The following MET variants were observed in gnomAD, a reference collection of about 807,000 sequenced individuals.
MET encodes the protein MET proto-oncogene, receptor tyrosine kinase.
A neutral mutation model predicts 133.1 loss-of-function variants in MET; 48 were observed. The observed-to-expected ratio is 0.36, with a 90% confidence interval of 0.29 to 0.46. The LOEUF is 0.46. MET is among the 20% of genes least tolerant of loss of function. The pLI, the probability that MET is intolerant of heterozygous loss-of-function variation, is 1.00. For missense variants in MET, 1,442 were observed against 1,695.9 expected (o/e 0.85, Z 2.63); for synonymous variants, 628 against 616.5 (o/e 1.02, Z -0.28).
At chr7:116,748,503 A>G (rs1283518529) in intron 5 of MET, among the ~76,000 whole-genome samples, 1 of 152,194 alleles carries the variant, frequency 6.6e-6, no homozygotes, top group Non-Finnish European at 1.5e-5. Flanking sequence ...TGTAGCACTA[A>G]ATGCCCACAG....
chr7:116,763,135 C>T lies in MET; in HGVS notation c.2450C>T (p.Thr817Ile), dbSNP rs2116955293. Reference protein sequence around the residue: ...QQLNLQLPLKTKAFFMLDGIL... With the variant: ...QQLNLQLPLKIKAFFMLDGIL... ...CTGAATCTGCAACTCCCCCTGAAAA[C>T]CAAAGCCTTTTTCATGTTAGATGGG... Residue 817 changes from threonine (T) to isoleucine (I), a missense_variant, in exon 11 of 21, where the codon ACC becomes ATC. Transcript: ENST00000397752. 6.2e-7 allele frequency: 1 copy of T among 1,614,020 alleles called. No homozygotes were observed. Among genetic ancestry groups the T allele is most frequent in the East Asian group, 2.2e-5 (1 of 44,866 alleles).
intron 2 of MET, among the ~76,000 whole-genome samples, chr7:116,716,964 C>G (rs768342842): frequency 4.6e-5 from 7 of 152,208 alleles, no homozygotes; most frequent in South Asian, 2.1e-4. Context: ...TTGCCCCCCC[C>G]AGCTTTGCTC....
chr7:116,677,973 C>CTCTG (rs746930982), intron 1 of MET, among the ~76,000 whole-genome samples: 82 of 151,106 alleles, frequency 5.4e-4, no homozygotes, highest in African/African-American at 1.7e-3. Flanking sequence ...TTGTCTTTCT[C>CTCTG]TCTCTCTCTC....
At chr7:116,782,230 C>A (rs942278716) in intron 18 of MET, 133 bp downstream of exon 18, 18 of 724,560 alleles carry the variant, frequency 2.5e-5, no homozygotes, top group Admixed American at 2.4e-4. Flanking sequence ...AATCTTAAAT[C>A]GATGTGTAAG....
rs1764636282 is a variant in MET at position 116,771,361 on chromosome 7, T to G, written c.2731-137T>G. The G allele has an allele frequency of 1.1e-5, 10 of 952,372 alleles. No individual in the cohort carries two copies. In the South Asian group the frequency reaches 1.4e-4, roughly 13 times the overall value. The allele number at this position is 952,372 out of a possible 1,614,324, so 59.0% of individuals were successfully genotyped here. A position where few individuals can be genotyped will look rare whatever the true frequency, so the allele number is the denominator to read the frequency against. ...ACTGGAGCATAATTGAGGAATCTCT[T>G]ATTATCCTGAAGGCAGTTATGCCAT... On this transcript the variant is annotated intron_variant, in intron 12 of 20. Coordinates refer to ENST00000397752, the MANE Select transcript of MET (RefSeq NM_000245.4).
chr7:116,774,449 G>A (rs1334665947), intron 14 of MET, among the ~76,000 whole-genome samples: 1 of 152,210 alleles, frequency 6.6e-6, no homozygotes, highest in East Asian at 1.9e-4. Context: ...GGAATCCATA[G>A]GTTTTGCACA....
Position 116,759,633 on chromosome 7 carries a change from T to A in MET, c.2364+143T>A, listed in dbSNP as rs538645065. ...TTGCAGTGTAGCCAAGTAGTATTTT[T>A]TATTTAATAACTGAAATTATCTAGA... On this transcript the variant is annotated intron_variant, in intron 10 of 20. Transcript: ENST00000397752. 3.1e-5 allele frequency: 29 copies of A among 939,616 alleles called. No individual in the cohort carries two copies. The Admixed American group carries it at 4.6e-4, about 15-fold the overall frequency. The allele number at this position is 939,616 out of a possible 1,614,324, so 58.2% of individuals were successfully genotyped here. A position where few individuals can be genotyped will look rare whatever the true frequency, so the allele number is the denominator to read the frequency against.
At chr7:116,783,058 C>T (rs1795200716) in intron 18 of MET, among the ~76,000 whole-genome samples, 1 of 152,204 alleles carries the variant, frequency 6.6e-6, no homozygotes. Flanking sequence ...GCAAAAAGGA[C>T]TTTCTTATGC....
At chr7:116,782,689 C>T (rs1795191692) in intron 18 of MET, among the ~76,000 whole-genome samples, 1 of 152,184 alleles carries the variant, frequency 6.6e-6, no homozygotes. Flanking sequence ...AATTTCCTAC[C>T]TTGGTTTTGG....
chr7:116,790,746 C>T (rs1654489186), intron 19 of MET, among the ~76,000 whole-genome samples: 1 of 152,142 alleles, frequency 6.6e-6, no homozygotes, highest in South Asian at 2.1e-4. Flanking sequence ...TTCCATCGTA[C>T]AGATGTACCA....
At position 116,677,985 on chromosome 7, in the gene MET, CTG is replaced by C. The variant is rs1202932972; in HGVS notation, c.-15+5410_-15+5411del. Among the ~76,000 whole-genome samples, 106 of 29,290 alleles carry C rather than the reference CTG, an allele frequency of 3.6e-3. No individual in the cohort carries two copies. The African/African-American group carries it at 0.05, about 14-fold the overall frequency. The allele number at this position is 29,290 out of a possible 152,430, so 19.2% of individuals were successfully genotyped here. On this transcript the variant is annotated intron_variant, in intron 1 of 20. Coordinates refer to ENST00000397752, the MANE Select transcript of MET (RefSeq NM_000245.4). ...ATATTGTCTTTCTCTCTCTCTCTCT[CTG>C]TCTCTCTCTCTCTCTGTCTCTGTCT...
At chr7:116,740,623 C>A (rs1049690470) in intron 4 of MET, among the ~76,000 whole-genome samples, 6 of 152,138 alleles carry the variant, frequency 3.9e-5, no homozygotes, top group African/African-American at 1.2e-4. Flanking sequence ...ATGCTATGCT[C>A]ACTGGACAAT....
At chr7:116,793,840 A>G (rs916407046) in intron 19 of MET, among the ~76,000 whole-genome samples, 1 of 152,118 alleles carries the variant, frequency 6.6e-6, no homozygotes, top group Non-Finnish European at 1.5e-5. Flanking sequence ...AAGAGGTTGC[A>G]GTACACCAAG....
chr7:116,771,582 G>T lies in MET; in HGVS notation c.2815G>T (p.Val939Phe). ...QNFTGLIAGV[V>F]SISTALLLLL... ...TTTCACAGGATTGATTGCTGGTGTT[G>T]TCTCAATATCAACAGCACTGTTATT... Residue 939 changes from valine (V) to phenylalanine (F), a missense_variant, in exon 13 of 21, where the codon GTC becomes TTC. Val to Phe is a conservative substitution (Grantham distance 50). Transcript: ENST00000397752. The T allele has an allele frequency of 1.2e-6, 2 of 1,613,864 alleles. No homozygotes were observed. Among genetic ancestry groups the T allele is most frequent in the Non-Finnish European group, 1.7e-6 (2 of 1,179,786 alleles).
intron 6 of MET, among the ~76,000 whole-genome samples, chr7:116,756,284 T>G (rs987843104): frequency 2.6e-5 from 4 of 151,836 alleles, no homozygotes; most frequent in Non-Finnish European, 1.5e-5. Context: ...CAGAAATTAT[T>G]CATTATCACA....
chr7:116,680,229 T>A (rs551265020), intron 1 of MET, among the ~76,000 whole-genome samples: 7 of 152,336 alleles, frequency 4.6e-5, no homozygotes, highest in Non-Finnish European at 7.3e-5. Flanking sequence ...ACTGACTTAT[T>A]TATACAGCTT....
chr7:116,680,298 A>G (rs1316825870), intron 1 of MET, among the ~76,000 whole-genome samples: 1 of 152,232 alleles, frequency 6.6e-6, no homozygotes, highest in Non-Finnish European at 1.5e-5. Context: ...GTAATAAATC[A>G]TATATCAGTG....
intron 5 of MET, among the ~76,000 whole-genome samples, chr7:116,749,371 C>T (rs1793828216): frequency 6.6e-6 from 1 of 152,176 alleles, no homozygotes; most frequent in Non-Finnish European, 1.5e-5. Flanking sequence ...ACGATTATTG[C>T]AATAGATGCA....
intron 11 of MET, among the ~76,000 whole-genome samples, chr7:116,763,837 G>A (rs1362073137): frequency 6.6e-6 from 1 of 152,190 alleles, no homozygotes; most frequent in Admixed American, 6.5e-5. Context: ...ACCCAGAAAG[G>A]TTAAGTGATT....
Sources: gnomAD v4.1 joint callset for allele counts (sites outside exome capture counted in the v4.1 genomes callset) on GRCh38, gnomAD v4.1.1 for gene constraint, MANE v1.5 for transcripts, NCBI Gene and HGNC (gene_info 2026-07-23, HGNC 2026-07-21) for gene names.